The following SLC25A31 variants were observed in gnomAD, a reference collection of about 807,000 sequenced individuals.
SLC25A31 encodes ADP/ATP translocase 4.
A neutral mutation model predicts 36.2 loss-of-function variants in SLC25A31; 40 were observed. That is an observed-to-expected ratio of 1.10 (90% confidence interval 0.86 to 1.44). The LOEUF is 1.44. SLC25A31 is among the 40% of genes most tolerant of loss of function. The pLI is 0.00. For missense variants in SLC25A31, 350 were observed against 397.1 expected, an observed-to-expected ratio of 0.88 and a Z score of 1.01; for synonymous variants, 143 against 149.7, an observed-to-expected ratio of 0.96 and a Z score of 0.32.
chr4:127,747,130 A>G (rs1010577337), intron 2 of SLC25A31, among the ~76,000 whole-genome samples: 1 of 152,092 alleles, frequency 6.6e-6, no homozygotes, highest in South Asian at 2.1e-4. Context: ...CCATTGGCCT[A>G]TGTGCCTGTT....
intron 1 of SLC25A31, among the ~76,000 whole-genome samples, chr4:127,736,046 C>T (rs1380280788): frequency 4.6e-5 from 7 of 150,600 alleles, no homozygotes; most frequent in Admixed American, 6.6e-5. Context: ...CCCGCTACCA[C>T]GCCCGGCTAA....
chr4:127,730,810 C>T (rs574236585), intron 1 of SLC25A31, 33 bp downstream of exon 1: 28 of 1,577,628 alleles, frequency 1.8e-5, no homozygotes, highest in Admixed American at 1.6e-4. Flanking sequence ...GACAGCCTCT[C>T]CCGGCGCCCT....
intron 1 of SLC25A31, among the ~76,000 whole-genome samples, chr4:127,731,575 GGCGC>G (rs1046569888): frequency 6.6e-6 from 1 of 152,134 alleles, no homozygotes; most frequent in African/African-American, 2.4e-5. Flanking sequence ...CGGGCGTGGT[GGCGC>G]ACGCCTGCAG....
intron 1 of SLC25A31, among the ~76,000 whole-genome samples, chr4:127,734,556 C>CAAAAA (rs34838538): frequency 1.6e-5 from 1 of 62,244 alleles, no homozygotes; most frequent in East Asian, 6.1e-4. Flanking sequence ...AAGACTGTCT[C>CAAAAA]AAAAAAAAAA....
intron 1 of SLC25A31, among the ~76,000 whole-genome samples, chr4:127,743,173 C>G (rs921958817): frequency 1.8e-4 from 27 of 149,264 alleles, no homozygotes; most frequent in African/African-American, 6.7e-4. Flanking sequence ...TTCTGTCACG[C>G]ATGCTGGAAT....
chr4:127,743,851 C>G (rs1731775229), intron 1 of SLC25A31, among the ~76,000 whole-genome samples: 1 of 152,118 alleles, frequency 6.6e-6, no homozygotes, highest in Non-Finnish European at 1.5e-5. Context: ...TCTTTTGAAT[C>G]TTTATTTTTA....
At chr4:127,743,130 C>CTTTTTTTTTTTT (rs57035802) in intron 1 of SLC25A31, among the ~76,000 whole-genome samples, 1 of 128,064 alleles carries the variant, frequency 7.8e-6, no homozygotes, top group Non-Finnish European at 1.7e-5. Context: ...TTTTTCTTTT[C>CTTTTTTTTTTTT]TTTTTTTTTT....
At chr4:127,746,267 T>C (rs1190066512) in intron 2 of SLC25A31, among the ~76,000 whole-genome samples, 1 of 152,210 alleles carries the variant, frequency 6.6e-6, no homozygotes, top group Non-Finnish European at 1.5e-5. Flanking sequence ...ACAATGAACA[T>C]TCACATACAT....
intron 2 of SLC25A31, among the ~76,000 whole-genome samples, chr4:127,760,177 T>A (rs1401066946): frequency 6.6e-6 from 1 of 152,226 alleles, no homozygotes; most frequent in Admixed American, 6.5e-5. Context: ...ATATGCTTAG[T>A]ACACTGAGGA....
At chr4:127,748,399 C>T (rs1163382078) in intron 2 of SLC25A31, among the ~76,000 whole-genome samples, 1 of 152,108 alleles carries the variant, frequency 6.6e-6, no homozygotes, top group African/African-American at 2.4e-5. Flanking sequence ...CTAAAACAAC[C>T]CTGTGACTTG....
At chr4:127,747,960 T>C (rs1002623155) in intron 2 of SLC25A31, among the ~76,000 whole-genome samples, 7 of 152,230 alleles carry the variant, frequency 4.6e-5, no homozygotes, top group Non-Finnish European at 7.3e-5. Context: ...TGTCCCATCC[T>C]AGTGAATCAT....
At chr4:127,745,237 G>A (rs1731803393) in intron 2 of SLC25A31, among the ~76,000 whole-genome samples, 1 of 151,800 alleles carries the variant, frequency 6.6e-6, no homozygotes, top group Non-Finnish European at 1.5e-5. Context: ...AAAGTGTATA[G>A]GAAGTCCAAA....
intron 1 of SLC25A31, among the ~76,000 whole-genome samples, chr4:127,733,131 C>G (rs753954074): frequency 1.3e-5 from 2 of 152,082 alleles, no homozygotes; most frequent in Non-Finnish European, 2.9e-5. Context: ...TACACTGATT[C>G]CAGTAATGCA....
intron 2 of SLC25A31, among the ~76,000 whole-genome samples, chr4:127,755,224 T>A (rs1732007575): frequency 6.6e-6 from 1 of 152,198 alleles, no homozygotes; most frequent in South Asian, 2.1e-4. Flanking sequence ...GAGCCATGAT[T>A]TTTTGGATAT....
rs1433396712 is a variant in SLC25A31 at position 127,768,872 on chromosome 4, A to AT, written c.755dup (p.Met252IlefsTer5). The AT allele has an allele frequency of 6.3e-7, 1 of 1,588,818 alleles. No individual in the cohort carries two copies. Among genetic ancestry groups the AT allele is most frequent in the African/African-American group, 1.4e-5 (1 of 73,684 alleles). Reference sequence around the variant, plus strand: ...TGACACAGTTAGAAGACGTATGATGATGCAGGTATTTTATGTTATTGTTTC... The same window carrying AT: ...TGACACAGTTAGAAGACGTATGATGATTGCAGGTATTTTATGTTATTGTTTC... On this transcript the variant is annotated frameshift_variant, in exon 5 of 6. Coordinates refer to ENST00000281154, the MANE Select transcript of SLC25A31 (RefSeq NM_031291.4). LOFTEE classifies it high-confidence loss of function.
intron 2 of SLC25A31, among the ~76,000 whole-genome samples, chr4:127,752,267 T>C (rs1731948204): frequency 6.6e-6 from 1 of 152,046 alleles, no homozygotes; most frequent in African/African-American, 2.4e-5. Context: ...ATGTCCTTTG[T>C]AGGGACATGG....
chr4:127,753,406 AAAC>A (rs1287813429), intron 2 of SLC25A31, among the ~76,000 whole-genome samples: 1 of 152,120 alleles, frequency 6.6e-6, no homozygotes, highest in Non-Finnish European at 1.5e-5. Flanking sequence ...TTGAACAGAT[AAAC>A]AAAATAGAAA....
At chr4:127,770,877 C>G (rs1329430326) in intron 5 of SLC25A31, among the ~76,000 whole-genome samples, 1 of 151,742 alleles carries the variant, frequency 6.6e-6, no homozygotes, top group East Asian at 1.9e-4. Flanking sequence ...CTCTGAAGAC[C>G]TCTCTCCTTG....
At chr4:127,768,180 G>A (rs528776879) in intron 4 of SLC25A31, among the ~76,000 whole-genome samples, 53 of 151,984 alleles carry the variant, frequency 3.5e-4, no homozygotes, top group Non-Finnish European at 6.3e-4. Context: ...TCCTTCATTA[G>A]TATAAATGTA....
Sources: allele counts gnomAD v4.1 joint callset (sites outside exome capture counted in the v4.1 genomes callset), GRCh38; gene constraint gnomAD v4.1.1; transcripts MANE v1.5; gene names NCBI Gene and HGNC (gene_info 2026-07-23, HGNC 2026-07-21).